KRT24: variants seen among roughly 807,000 people sequenced by gnomAD.
KRT24 encodes keratin, type I cytoskeletal 24.
KRT24 carries 44 observed loss-of-function variants against 51.7 expected under a neutral mutation model. The ratio of observed to expected loss-of-function variants is 0.85; its 90% CI spans 0.67 to 1.09. The LOEUF (loss-of-function observed/expected upper bound fraction) is 1.09, where lower values mean the gene tolerates loss of function less well. Among genes scored for constraint, KRT24 ranks in the 50% least tolerant of loss-of-function variants. The pLI is 0.00. For missense variants in KRT24, 633 were observed against 647.0 expected (o/e 0.98, Z 0.24); for synonymous variants, 241 against 249.5 (o/e 0.97, Z 0.32).
chr17:40,700,084 C>T lies in KRT24; in HGVS notation c.1057G>A (p.Ala353Thr), dbSNP rs762507336. The T allele has an allele frequency of 1.2e-5, 19 of 1,613,444 alleles. No individual in the cohort carries two copies. Among genetic ancestry groups the T allele is most frequent in the Non-Finnish European group, 1.4e-5 (17 of 1,179,968 alleles). Residue 353 changes from alanine to threonine, a missense_variant, in exon 5 of 8, where the codon GCA becomes ACA. Physicochemically the swap from Ala to Thr is moderately conservative, Grantham distance 58 (BLOSUM62 0). Coordinates refer to ENST00000264651, the MANE Select transcript of KRT24 (RefSeq NM_019016.3). ...LQAQISTDAG[A>T]ATSAKNEITE... Reference sequence around the variant, plus strand: ...ATCTCATTCTTGGCAGAAGTGGCTGCCCCAGCATCAGTGGAGATTTGTGCT... The same window carrying T: ...ATCTCATTCTTGGCAGAAGTGGCTGTCCCAGCATCAGTGGAGATTTGTGCT...
At position 40,700,324 on chromosome 17, in the gene KRT24, C is replaced by G; in HGVS notation, c.915G>C (p.Ala305=). ...GTAATTTGGTCAGGTCGGTCCCTGG[C>G]GCAGCATTCATTTCTACGGTCACCT... is the stretch of plus-strand genomic sequence containing the variant. The part of the protein sequence containing the change: ...GGEVTVEMNA[A]PGTDLTKLLN... Residue 305 remains alanine, a synonymous_variant, in exon 4 of 8, where the codon GCG becomes GCC. Coordinates refer to ENST00000264651, the MANE Select transcript of KRT24 (RefSeq NM_019016.3). 1 of 1,613,980 alleles carries G rather than the reference C, an allele frequency of 6.2e-7. No individual in the cohort carries two copies. The highest frequency in any genetic ancestry group is 1.1e-5 in the South Asian group (1 of 91,068).
intron 3 of KRT24, 152 bp from the exon 4 acceptor site, chr17:40,700,535 T>G (rs993502052): frequency 1.6e-6 from 1 of 643,786 alleles, no homozygotes; most frequent in Non-Finnish European, 2.7e-6. Context: ...TACTTTTGTT[T>G]CCTGGTCATA....
chr17:40,699,812 T>C, intron 5 of KRT24, 151 bp from the exon 6 acceptor site: 1 of 1,088,268 alleles, frequency 9.2e-7, no homozygotes, highest in South Asian at 1.6e-5. Context: ...TTGGCACTTC[T>C]TTTTAAACTA....
In KRT24 at chr17:40,699,479, G is replaced by C. The variant is rs778819567; in HGVS notation, c.1326C>G (p.Ile442Met). Residue 442 changes from isoleucine (I) to methionine (M), a missense_variant, in exon 6 of 8, where the codon ATC becomes ATG. Transcript: ENST00000264651. ...CATCGAGCAGGCGGCGGTAGGTCTC[G>C]ATCTCCACCTCCAGGCGTGTCTTGA... The part of the protein sequence containing the change: ...LDIKTRLEVE[I>M]ETYRRLLDGE... 4 of 1,614,006 alleles carry C rather than the reference G, an allele frequency of 2.5e-6. No individual in the cohort carries two copies. The Admixed American group carries it at 6.7e-5, about 27-fold the overall frequency.
intron 5 of KRT24, 147 bp from the exon 6 acceptor site, chr17:40,699,808 C>T (rs2037653393): frequency 9.3e-7 from 1 of 1,072,998 alleles, no homozygotes; most frequent in Non-Finnish European, 1.3e-6. Context: ...TTGGTTGGCA[C>T]TTCTTTTTAA....
Position 40,701,774 on chromosome 17 carries a change from TATA to T in KRT24, c.698+74_698+76del, listed in dbSNP as rs1567863146. On this transcript the variant is annotated intron_variant, in intron 2 of 7. Transcript: ENST00000264651. ...ATATATATATATATATATATATATA[TATA>T]TATTTATTTATAAAATGGAATAAAA... 337 of 46,892 alleles carry T rather than the reference TATA, an allele frequency of 7.2e-3. 23 individuals carry two copies. The highest frequency in any genetic ancestry group is 0.01 in the South Asian group (14 of 1,390). 2.9% of individuals were successfully genotyped at this position (46,892 alleles called of 1,614,324 possible).
At position 40,699,679 on chromosome 17, in the gene KRT24, T is replaced by TA. The variant is rs1168447246; in HGVS notation, c.1144-19dup. 4 of 1,596,476 alleles carry TA rather than the reference T, an allele frequency of 2.5e-6. No individual in the cohort carries two copies. Among genetic ancestry groups the TA allele is most frequent in the African/African-American group, 2.7e-5 (2 of 74,318 alleles). On this transcript the variant is annotated intron_variant, in intron 5 of 7. Transcript: ENST00000264651. ...GAGCTTTTCTAAGAGAAAAAGCAAA[T>TA]AAAAAATTCATGATGAAAATAAATC...
chr17:40,698,770 T>C lies in KRT24; in HGVS notation c.1362-120A>G, dbSNP rs2037638612. ...GTTTATGTGTTTTAATTGGATTGTG[T>C]CTGCTGCTTTTTTGTTCAACCTTGC... On this transcript the variant is annotated intron_variant, in intron 6 of 7. Coordinates refer to ENST00000264651, the MANE Select transcript of KRT24 (RefSeq NM_019016.3). 7.6e-6 allele frequency: 5 copies of C among 660,368 alleles called. No individual in the cohort carries two copies. In the East Asian group the frequency reaches 1.0e-4, roughly 14 times the overall value. 40.9% of individuals were successfully genotyped at this position (660,368 alleles called of 1,614,324 possible).
rs975475422 is a variant in KRT24, at chr17:40,698,444, T to G, written c.1474+94A>C. ...TCAACGTGTTCTGTCTGGGTAAGAT[T>G]ATGTAAAAAATAGCGGACTCTTTTA... On this transcript the variant is annotated intron_variant, in intron 7 of 7. Transcript: ENST00000264651. The G allele has an allele frequency of 7.2e-6, 8 of 1,107,888 alleles. No homozygotes were observed. In the African/African-American group the frequency reaches 1.2e-4, roughly 17 times the overall value. 68.6% of individuals were successfully genotyped at this position (1,107,888 alleles called of 1,614,324 possible).
chr17:40,699,905 T>A (rs2037654337), intron 5 of KRT24, 93 bp downstream of exon 5: 7 of 1,519,138 alleles, frequency 4.6e-6, no homozygotes, highest in Non-Finnish European at 6.3e-6. Context: ...TAACACTGCC[T>A]TTTTTATGTG....
chr17:40,700,364 C>G lies in KRT24; in HGVS notation c.875G>C (p.Gly292Ala), dbSNP rs770612859. 1.9e-6 allele frequency: 3 copies of G among 1,612,820 alleles called. No individual in the cohort carries two copies. The Admixed American group carries it at 5.0e-5, about 27-fold the overall frequency. ...NHEEEMKNMQ[G>A]SSGGEVTVEM... is the part of the protein sequence containing the mutation. ...TACGGTCACCTCCCCTCCAGAGCTT[C>G]CTTGCATATTCTTCATTTCCTAGCA... is the stretch of plus-strand genomic sequence containing the variant. Residue 292 changes from glycine (G) to alanine (A), a missense_variant, in exon 4 of 8, where the codon GGA (glycine) becomes GCA (alanine). Coordinates refer to ENST00000264651, the MANE Select transcript of KRT24 (RefSeq NM_019016.3).
At chr17:40,700,794 G>C (rs569431678) in intron 3 of KRT24, among the ~76,000 whole-genome samples, 1 of 152,118 alleles carries the variant, frequency 6.6e-6, no homozygotes, top group East Asian at 1.9e-4. Flanking sequence ...GTAGAGAGGG[G>C]GTTTCACCAT....
chr17:40,698,681 G>T, intron 6 of KRT24, 31 bp from the exon 7 acceptor site: 1 of 1,188,762 alleles, frequency 8.4e-7, no homozygotes, highest in Non-Finnish European at 1.2e-6. Flanking sequence ...GTTTTCCTTT[G>T]CAGTTTGCAA....
At chr17:40,701,107 A>G (rs1334318412) in intron 3 of KRT24, 33 bp downstream of exon 3, 2 of 1,604,296 alleles carry the variant, frequency 1.2e-6, no homozygotes, top group Non-Finnish European at 1.7e-6. Flanking sequence ...TATGTTAGCT[A>G]GAGTTATTCG....
In KRT24 at chr17:40,698,237, T is replaced by G. The variant is rs769164677; in HGVS notation, c.1578A>C (p.Ter526TyrextTer27). The change falls in exon 8 of 8, where the codon TAA (stop) becomes TAC (tyrosine). Residue 526 changes from the stop codon to tyrosine, a stop_lost. Coordinates refer to ENST00000264651, the MANE Select transcript of KRT24 (RefSeq NM_019016.3). Reference protein sequence around the residue: ...VSSISEVKVK* With the variant: ...VSSISEVKVKY ...ACACTTTTGTTGATCTGGAAGTTCC[T>G]TATTTAACTTTCACCTCAGAAATAC... The G allele has an allele frequency of 8.8e-6, 14 of 1,596,770 alleles. 1 individual carries two copies. In the South Asian group the frequency reaches 1.5e-4, roughly 18 times the overall value.
In KRT24 at chr17:40,703,534, C is replaced by A. The variant is rs769713317; in HGVS notation, c.160G>T (p.Gly54Trp). ...RGGASSCSLS[G>W]GSSGAFGGSF... ...CCCCCAAAAGCACCGCTAGACCCCC[C>A]ACTCAGGCTGCAGCTGCTGGCTCCT... The change falls in exon 1 of 8, where the codon GGG becomes TGG. Residue 54 changes from glycine (G) to tryptophan (W), a missense_variant. Coordinates refer to ENST00000264651, the MANE Select transcript of KRT24 (RefSeq NM_019016.3). 25 of 1,603,452 alleles carry A rather than the reference C, an allele frequency of 1.6e-5. No individual in the cohort carries two copies. In the South Asian group the frequency reaches 1.9e-4, roughly 12 times the overall value.
rs775690539 is a variant in KRT24, at chr17:40,703,598, T to TCTGCTTCCACTGCTGAAG, written c.78_95dup (p.Ser26_Ser31dup). 2.4e-5 allele frequency: 38 copies of TCTGCTTCCACTGCTGAAG among 1,608,298 alleles called. No individual in the cohort carries two copies. The highest frequency in any genetic ancestry group is 4.4e-5 in the South Asian group (4 of 90,728). ...GGGCCGAGCTGCCCCCCAGACCACATCTGCTTCCACTGCTGAAGCTGCTTC... is the reference window on the plus strand; with the variant it reads ...GGGCCGAGCTGCCCCCCAGACCACATCTGCTTCCACTGCTGAAGCTGCTTCCACTGCTGAAGCTGCTTC... On this transcript the variant is annotated inframe_insertion, in exon 1 of 8. Transcript: ENST00000264651.
At position 40,698,309 on chromosome 17, in the gene KRT24, G is replaced by A. The variant is rs780373105; in HGVS notation, c.1506C>T (p.Ile502=). ...DSSKTRVTKT[I]VEELVDGKVV... Reference sequence around the variant, plus strand: ...CCTTGCCATCCACCAACTCCTCTACGATAGTCTTAGTCACTCTAGTCTTGC... The same window carrying A: ...CCTTGCCATCCACCAACTCCTCTACAATAGTCTTAGTCACTCTAGTCTTGC... Residue 502 remains isoleucine, a synonymous_variant, in exon 8 of 8, where the codon ATC becomes ATT. Transcript: ENST00000264651. The A allele has an allele frequency of 5.6e-6, 9 of 1,612,284 alleles. No homozygotes were observed. The highest frequency in any genetic ancestry group is 2.7e-5 in the African/African-American group (2 of 74,834).
At chr17:40,698,448 T>TA in intron 7 of KRT24, 90 bp downstream of exon 7, 1 of 1,104,404 alleles carries the variant, frequency 9.1e-7, no homozygotes, top group Non-Finnish European at 1.4e-6. Flanking sequence ...TAAGATTATG[T>TA]AAAAAATAGC....
Sources: allele counts gnomAD v4.1 joint callset (sites outside exome capture counted in the v4.1 genomes callset), GRCh38; gene constraint gnomAD v4.1.1; transcripts MANE v1.5; gene names NCBI Gene and HGNC (gene_info 2026-07-23, HGNC 2026-07-21).